The following ZNF320 variants were observed in gnomAD, a reference collection of about 807,000 sequenced individuals.
The protein encoded by ZNF320 is zinc finger protein 320, also known as zinc finger gene 320.
Under a neutral mutation model 6.8 loss-of-function variants are expected in ZNF320, and 2 were observed. That is an observed-to-expected ratio of 0.29 (90% CI 0.12 to 0.93). The LOEUF is 0.93. Ranked by LOEUF, ZNF320 falls within the 40% of genes least tolerant of loss-of-function variation. The pLI is 0.55. For synonymous variants in ZNF320, 208 were observed against 203.2 expected (o/e 1.02, Z -0.20); for missense variants, 472 against 611.0 (o/e 0.77, Z 2.40).
chr19:52,891,528 T>C (rs1471336982), intron 2 of ZNF320, among the ~76,000 whole-genome samples, 182 bp from the exon 3 acceptor site: 1 of 152,040 alleles, frequency 6.6e-6, no homozygotes, highest in Non-Finnish European at 1.5e-5. Context: ...TTTAGGGACA[T>C]AGGGTAAGAA....
upstream of ZNF320, among the ~76,000 whole-genome samples, chr19:52,899,948 T>C (rs962102159): frequency 6.6e-6 from 1 of 152,210 alleles, no homozygotes; most frequent in Non-Finnish European, 1.5e-5. Flanking sequence ...TATAATTCTT[T>C]AGGAGGTCAT....
At chr19:52,887,464 T>C (rs944972034) in intron 5 of ZNF320, among the ~76,000 whole-genome samples, 26 of 152,322 alleles carry the variant, frequency 1.7e-4, no homozygotes, top group Middle Eastern at 3.4e-3. Context: ...ACTGCCTCAT[T>C]CTGAATGCTG....
chr19:52,884,768 A>G (rs1161866950), intron 5 of ZNF320, among the ~76,000 whole-genome samples: 1 of 152,170 alleles, frequency 6.6e-6, no homozygotes, highest in Admixed American at 6.6e-5. Context: ...AGCTATTTCT[A>G]ACAGTGAAAT....
exon 6 of ZNF320, among the ~76,000 whole-genome samples, chr19:52,863,475 C>A (rs1348841994): frequency 1.3e-5 from 2 of 150,576 alleles, no homozygotes; most frequent in Non-Finnish European, 3.0e-5. Context: ...CATGTGCCTG[C>A]AATCCCAGCT....
the ZNF320 span, among the ~76,000 whole-genome samples, chr19:52,902,793 CT>C: frequency 2.0e-5 from 3 of 152,096 alleles, no homozygotes; most frequent in African/African-American, 7.2e-5. Context: ...TTTGTAGACT[CT>C]TTTTAACTTT....
rs999218990 is a variant in ZNF320 at position 52,884,293 on chromosome 19, T to A, written c.143-2310A>T. ...CACGCTCTTATCACCCAGGCTAGAG[T>A]GTACTGGCAGGATTCTCCTACCTCA... On this transcript the variant is annotated intron_variant, in intron 5 of 5. Transcript: ENST00000682928. 3.3e-5 allele frequency among the ~76,000 whole-genome samples: 5 copies of A among 152,198 alleles called. No individual in the cohort carries two copies. The East Asian group carries it at 9.7e-4, about 29-fold the overall frequency.
chr19:52,866,317 C>G (rs920932856), intron 5 of ZNF320, among the ~76,000 whole-genome samples: 7 of 151,004 alleles, frequency 4.6e-5, no homozygotes, highest in Non-Finnish European at 1.5e-5. Context: ...TCCCAGCAAT[C>G]TGGGAGGCCG....
chr19:52,884,200 A>G (rs2147832640), intron 5 of ZNF320, among the ~76,000 whole-genome samples: 1 of 152,310 alleles, frequency 6.6e-6, no homozygotes, highest in Non-Finnish European at 1.5e-5. Context: ...TTCATGAGAA[A>G]TAAATTTCTG....
the ZNF320 span, among the ~76,000 whole-genome samples, chr19:52,904,163 GCGTTAATCCTC>G: frequency 6.6e-5 from 10 of 152,370 alleles, no homozygotes; most frequent in African/African-American, 2.4e-4. Flanking sequence ...TTCAGCCACT[GCGTTAATCCTC>G]CGTGGGGGCC....
chr19:52,882,940 CA>C (rs551578014), intron 5 of ZNF320, among the ~76,000 whole-genome samples: 4 of 136,784 alleles, frequency 2.9e-5, no homozygotes, highest in Admixed American at 7.3e-5. Flanking sequence ...GACTCCGTCT[CA>C]AAAAAAAAAG....
chr19:52,887,743 C>T (rs1401405458), intron 5 of ZNF320, among the ~76,000 whole-genome samples: 4 of 152,060 alleles, frequency 2.6e-5, no homozygotes, highest in South Asian at 2.1e-4. Context: ...TGCACCATGA[C>T]GTCCGGCTAA....
In ZNF320 at chr19:52,881,237, C is replaced by T. The variant is rs1271650481; in HGVS notation, c.889G>A (p.Ala297Thr). The change falls in exon 6 of 6, where the codon GCA becomes ACA. Residue 297 changes from alanine to threonine, a missense_variant. Ala to Thr is a moderately conservative substitution (Grantham distance 58). Around this residue, in one of 2 missense-constraint regions of ZNF320, gnomAD observed 462 missense variants for 559.7 expected, o/e 0.83. Transcript: ENST00000682928. ...VLVIHKAVHT[A>T]EKPYKCNECG... ...TCATTACACTTATAGGGTTTCTCTG[C>T]AGTATGAACTGCCTTATGAATTACG... 1.2e-6 allele frequency: 2 copies of T among 1,614,184 alleles called. No individual in the cohort carries two copies. The highest frequency in any genetic ancestry group is 3.3e-5 in the Admixed American group (2 of 60,020).
At chr19:52,859,926 T>G (rs1446243015), downstream of ZNF320, among the ~76,000 whole-genome samples, 1 of 151,592 alleles carries the variant, frequency 6.6e-6, no homozygotes, top group Non-Finnish European at 1.5e-5. Flanking sequence ...TTTTTTTTTT[T>G]TTTTGAGACG....
At chr19:52,865,538 T>TTTATA (rs1270562064) in intron 5 of ZNF320, 1 of 131,658 alleles carries the variant, frequency 7.6e-6, no homozygotes, top group East Asian at 2.1e-4. Flanking sequence ...TATTTATATA[T>TTTATA]GATTATACAT....
chr19:52,865,434 T>TTGTTTA (rs368584132), intron 5 of ZNF320: 1 of 152,784 alleles, frequency 6.5e-6, no homozygotes, highest in Non-Finnish European at 1.2e-5. Context: ...GGTCCAGGCT[T>TTGTTTA]TATATATATA....
chr19:52,867,205 T>C (rs2063592920), intron 5 of ZNF320, among the ~76,000 whole-genome samples: 2 of 152,080 alleles, frequency 1.3e-5, no homozygotes, highest in Admixed American at 1.3e-4. Context: ...TTTATTTATG[T>C]ATTTATTTTT....
At chr19:52,868,023 G>A (rs1158885778) in intron 5 of ZNF320, among the ~76,000 whole-genome samples, 11 of 150,834 alleles carry the variant, frequency 7.3e-5, no homozygotes, top group African/African-American at 2.5e-5. Context: ...GGGATTAGAG[G>A]TGTGAGCCAC....
rs945523294 is a variant in ZNF320, at chr19:52,880,335, A to C, written c.*261T>G. On this transcript the variant is annotated 3_prime_UTR_variant, in exon 6 of 6. Transcript: ENST00000682928. Reference sequence around the variant, plus strand: ...TGCACTCCAACGTGGGCGACAGAGCAAGATTCCATCTTAAAAATAAATAAA... The same window carrying C: ...TGCACTCCAACGTGGGCGACAGAGCCAGATTCCATCTTAAAAATAAATAAA... 2 of 360,850 alleles carry C rather than the reference A, an allele frequency of 5.5e-6. No homozygotes were observed. Among genetic ancestry groups the C allele is most frequent in the African/African-American group, 4.2e-5 (2 of 47,378 alleles). The allele number at this position is 360,850 out of a possible 1,614,324, so 22.4% of individuals were successfully genotyped here.
chr19:52,866,966 C>T (rs901365620), intron 5 of ZNF320, among the ~76,000 whole-genome samples: 4 of 150,828 alleles, frequency 2.7e-5, no homozygotes, highest in East Asian at 3.9e-4. Context: ...TCAGGCAATA[C>T]GGCAATTCTA....
Sources: gnomAD v4.1 joint callset for allele counts (sites outside exome capture counted in the v4.1 genomes callset) on GRCh38, gnomAD v4.1.1 for gene constraint, gnomAD v4.1.1 regional missense constraint, MANE v1.5 for transcripts, NCBI Gene and HGNC (gene_info 2026-07-23, HGNC 2026-07-21) for gene names.